The following EFNA5 variants were observed in gnomAD, a reference collection of about 807,000 sequenced individuals.
EFNA5 encodes ephrin-A5.
EFNA5 carries 5 observed loss-of-function variants against 22.9 expected under a neutral mutation model. The ratio of observed to expected loss-of-function variants is 0.22; its 90% CI spans 0.11 to 0.46. The LOEUF is 0.46. Among genes scored for constraint, EFNA5 ranks in the 20% least tolerant of loss-of-function variants. The pLI is 0.99. For missense variants in EFNA5, 237 were observed against 293.3 expected (o/e 0.81, Z 1.40); for synonymous variants, 113 against 112.2 (o/e 1.01, Z -0.04).
chr5:107,502,528 C>A (rs966234341), intron 1 of EFNA5, among the ~76,000 whole-genome samples: 1 of 152,178 alleles, frequency 6.6e-6, no homozygotes, highest in Non-Finnish European at 1.5e-5. Context: ...CGAAGCACAG[C>A]TGTATCTTGT....
rs3797512 is a variant in EFNA5, at chr5:107,393,941, A to T, written c.419-6170T>A. The stretch of plus-strand genomic sequence containing the variant: ...TGGGAACAGAATAGAGATTAATCAA[A>T]GCCATATGGACTTGGAAAATGGTTA... On this transcript the variant is annotated intron_variant, in intron 2 of 4. Coordinates refer to ENST00000333274, the MANE Select transcript of EFNA5 (RefSeq NM_001962.3). Among the ~76,000 whole-genome samples, 402 of 152,344 alleles carry T rather than the reference A, an allele frequency of 2.6e-3. 4 individuals carry two copies. The highest frequency in any genetic ancestry group is 0.024 in the East Asian group (126 of 5,188).
intron 1 of EFNA5, among the ~76,000 whole-genome samples, chr5:107,433,162 G>A (rs1261338402): frequency 1.3e-5 from 2 of 152,130 alleles, no homozygotes; most frequent in Admixed American, 1.3e-4. Flanking sequence ...TACATGCAGG[G>A]CCAGTGACCT....
chr5:107,550,121 C>T (rs1449403451), intron 1 of EFNA5, among the ~76,000 whole-genome samples: 1 of 152,150 alleles, frequency 6.6e-6, no homozygotes, highest in Non-Finnish European at 1.5e-5. Flanking sequence ...GGCAAAGTGC[C>T]CTCACATGGT....
intron 1 of EFNA5, among the ~76,000 whole-genome samples, chr5:107,448,870 T>TAAATAAATAAATAAAA (rs1199766639): frequency 1.5e-4 from 17 of 113,056 alleles, no homozygotes; most frequent in Non-Finnish European, 3.2e-4. Flanking sequence ...AATAAATAAA[T>TAAATAAATAAATAAAA]AAAATAAAAT....
intron 1 of EFNA5, among the ~76,000 whole-genome samples, chr5:107,555,611 G>C (rs1748393935): frequency 6.6e-6 from 1 of 152,178 alleles, no homozygotes; most frequent in East Asian, 1.9e-4. Flanking sequence ...ACCTGTGACA[G>C]AAGAAAGGAA....
rs191467374 is a variant in EFNA5 at position 107,425,863 on chromosome 5, T to G, written c.418+1354A>C. Among the ~76,000 whole-genome samples the G allele has an allele frequency of 1.8e-4, 28 of 152,246 alleles. No homozygotes were observed. The East Asian group carries it at 4.2e-3, about 23-fold the overall frequency. On this transcript the variant is annotated intron_variant, in intron 2 of 4. Transcript: ENST00000333274. ...GTAAGTTGTGAGTGGGTAGGGACAT[T>G]TGGACTGAAGAAATGAGTCAGAAAA...
intron 1 of EFNA5, among the ~76,000 whole-genome samples, chr5:107,565,093 C>A (rs1378055399): frequency 3.3e-5 from 5 of 152,136 alleles, no homozygotes; most frequent in Admixed American, 3.3e-4. Context: ...TTGGCACCAA[C>A]CAGGAAGTGT....
intron 2 of EFNA5, among the ~76,000 whole-genome samples, chr5:107,426,228 T>C (rs1748806923): frequency 6.6e-6 from 1 of 152,222 alleles, no homozygotes; most frequent in African/African-American, 2.4e-5. Flanking sequence ...ACTTTTAACC[T>C]CTTCAGTTGA....
chr5:107,604,538 C>A (rs1749672098), intron 1 of EFNA5, among the ~76,000 whole-genome samples: 1 of 152,076 alleles, frequency 6.6e-6, no homozygotes, highest in Non-Finnish European at 1.5e-5. Context: ...TGTCTTTGGT[C>A]TCACTGCATT....
At chr5:107,586,922 C>G (rs778282680) in intron 1 of EFNA5, among the ~76,000 whole-genome samples, 5 of 152,184 alleles carry the variant, frequency 3.3e-5, no homozygotes, top group Admixed American at 6.5e-5. Flanking sequence ...TAAGAGTTAA[C>G]AACTGCCATT....
chr5:107,478,282 G>A (rs2112395392), intron 1 of EFNA5, among the ~76,000 whole-genome samples: 1 of 152,278 alleles, frequency 6.6e-6, no homozygotes, highest in Admixed American at 6.5e-5. Context: ...ACCTAGGCGA[G>A]TAATATTCTC....
Position 107,621,502 on chromosome 5 carries a change from A to T in EFNA5, c.125+48987T>A, listed in dbSNP as rs186172103. 1.1e-4 allele frequency among the ~76,000 whole-genome samples: 16 copies of T among 152,332 alleles called. No homozygotes were observed. The East Asian group carries it at 3.1e-3, about 29-fold the overall frequency. ...GGCCTACTTAAAGTCCAGTCAACAA[A>T]ATTTCATATCTGATTATATGAGGGA... On this transcript the variant is annotated intron_variant, in intron 1 of 4. Transcript: ENST00000333274.
chr5:107,656,707 T>C (rs1212271398), intron 1 of EFNA5, among the ~76,000 whole-genome samples: 1 of 152,112 alleles, frequency 6.6e-6, no homozygotes, highest in Non-Finnish European at 1.5e-5. Context: ...CTGCCACATA[T>C]ACACATTCCT....
intron 1 of EFNA5, among the ~76,000 whole-genome samples, chr5:107,473,824 C>T (rs564052247): frequency 4.6e-5 from 7 of 152,074 alleles, no homozygotes; most frequent in South Asian, 2.1e-4. Context: ...CCACGCCCAG[C>T]GAATTTTTGC....
chr5:107,476,055 T>TAC (rs1750280186), intron 1 of EFNA5, among the ~76,000 whole-genome samples: 4 of 130,668 alleles, frequency 3.1e-5, no homozygotes, highest in African/African-American at 1.3e-4. Context: ...ACTATATATA[T>TAC]ATTTTTTTTT....
chr5:107,462,989 G>A (rs2112457619), intron 1 of EFNA5, among the ~76,000 whole-genome samples: 1 of 152,234 alleles, frequency 6.6e-6, no homozygotes, highest in African/African-American at 2.4e-5. Context: ...TCAGTCACTG[G>A]CGTCCATCCT....
intron 1 of EFNA5, among the ~76,000 whole-genome samples, chr5:107,588,551 T>C (rs1179212856): frequency 6.6e-6 from 1 of 152,220 alleles, no homozygotes. Context: ...AAACTATATA[T>C]TACGTGCATA....
chr5:107,661,144 G>A (rs868681801), intron 1 of EFNA5, among the ~76,000 whole-genome samples: 5 of 144,036 alleles, frequency 3.5e-5, no homozygotes, highest in African/African-American at 7.8e-5. Context: ...AGAAGAAGAA[G>A]AAAAAAAAAG....
At chr5:107,631,868 G>A (rs531326256) in intron 1 of EFNA5, among the ~76,000 whole-genome samples, 1 of 152,154 alleles carries the variant, frequency 6.6e-6, no homozygotes, top group Non-Finnish European at 1.5e-5. Flanking sequence ...AATTTATTAG[G>A]TTTCAATTTG....
Sources: allele counts gnomAD v4.1 joint callset (sites outside exome capture counted in the v4.1 genomes callset), GRCh38; gene constraint gnomAD v4.1.1; transcripts MANE v1.5; gene names NCBI Gene and HGNC (gene_info 2026-07-23, HGNC 2026-07-21).